COL26A1: variants seen among roughly 807,000 people sequenced by gnomAD.
COL26A1 encodes collagen type XXVI alpha 1 chain, also known as collagen alpha-1(XXVI) chain.
COL26A1 carries 41 observed loss-of-function variants against 59.3 expected under a neutral mutation model. That is an observed-to-expected ratio of 0.69 (90% CI 0.54 to 0.90). COL26A1 has a LOEUF of 0.90. COL26A1 is among the 40% of genes least tolerant of loss of function. The pLI, the probability that COL26A1 is intolerant of heterozygous loss-of-function variation, is 0.00. For missense variants in COL26A1, 612 were observed against 602.3 expected, an observed-to-expected ratio of 1.02 and a Z score of -0.17; for synonymous variants, 266 against 256.0, an observed-to-expected ratio of 1.04 and a Z score of -0.37.
intron 3 of COL26A1, among the ~76,000 whole-genome samples, chr7:101,488,473 TC>T (rs1444030457): frequency 4.7e-5 from 7 of 148,226 alleles, no homozygotes; most frequent in African/African-American, 1.7e-4. Flanking sequence ...CTTCCTGGGT[TC>T]AAGTGATTCT....
intron 10 of COL26A1, among the ~76,000 whole-genome samples, chr7:101,551,950 C>G: frequency 6.6e-6 from 1 of 152,180 alleles, no homozygotes. Flanking sequence ...CCCAAGAGAC[C>G]ATGCTTTATT....
At chr7:101,399,236 G>A (rs753489271) in intron 1 of COL26A1, among the ~76,000 whole-genome samples, 11 of 152,058 alleles carry the variant, frequency 7.2e-5, no homozygotes, top group Admixed American at 3.9e-4. Flanking sequence ...AGCCCAGGAG[G>A]TCAAGGCAAC....
At chr7:101,517,094 C>T (rs959821493) in intron 3 of COL26A1, among the ~76,000 whole-genome samples, 4 of 152,134 alleles carry the variant, frequency 2.6e-5, no homozygotes, top group African/African-American at 9.7e-5. Context: ...CCTTCACTTG[C>T]CCCGTGATTC....
chr7:101,490,316 A>T (rs1413603070), intron 3 of COL26A1, among the ~76,000 whole-genome samples: 1 of 152,026 alleles, frequency 6.6e-6, no homozygotes, highest in Non-Finnish European at 1.5e-5. Context: ...AGCTCAAGCG[A>T]TCCTACCACC....
At chr7:101,521,542 G>A (rs1342946154) in intron 3 of COL26A1, among the ~76,000 whole-genome samples, 1 of 152,084 alleles carries the variant, frequency 6.6e-6, no homozygotes, top group African/African-American at 2.4e-5. Flanking sequence ...AGGGTTGGGA[G>A]CCATTTCTAG....
chr7:101,464,506 G>C (rs911918620), intron 3 of COL26A1, among the ~76,000 whole-genome samples: 3 of 151,638 alleles, frequency 2.0e-5, no homozygotes, highest in Non-Finnish European at 2.9e-5. Context: ...CTGCCTCCCG[G>C]GTTCAAACGA....
chr7:101,407,342 C>T (rs1347003654), intron 1 of COL26A1, among the ~76,000 whole-genome samples: 1 of 152,176 alleles, frequency 6.6e-6, no homozygotes, highest in Non-Finnish European at 1.5e-5. Context: ...TCCTGAGGAA[C>T]CTGTCCTCAA....
At chr7:101,547,498 A>G (rs1184427402) in intron 8 of COL26A1, among the ~76,000 whole-genome samples, 1 of 152,218 alleles carries the variant, frequency 6.6e-6, no homozygotes, top group Admixed American at 6.5e-5. Context: ...CTGCCCTTGC[A>G]TGGGCCAGAG....
intron 3 of COL26A1, among the ~76,000 whole-genome samples, chr7:101,498,866 C>G (rs538020607): frequency 6.6e-6 from 1 of 152,218 alleles, no homozygotes; most frequent in South Asian, 2.1e-4. Flanking sequence ...GGTGCTGGCT[C>G]CCCACCGCGC....
intron 2 of COL26A1, among the ~76,000 whole-genome samples, chr7:101,423,336 G>A (rs1033580264): frequency 6.6e-6 from 1 of 152,126 alleles, no homozygotes; most frequent in Non-Finnish European, 1.5e-5. Context: ...ACAAGCTAGC[G>A]CCTGAATCAC....
chr7:101,528,606 G>A (rs1186083512), intron 3 of COL26A1, among the ~76,000 whole-genome samples: 6 of 151,794 alleles, frequency 4.0e-5, no homozygotes, highest in East Asian at 2.0e-4. Flanking sequence ...GTAGTGCAGT[G>A]GCGCCAACAT....
intron 3 of COL26A1, among the ~76,000 whole-genome samples, chr7:101,530,803 C>A (rs921646617): frequency 6.6e-5 from 10 of 152,088 alleles, no homozygotes; most frequent in African/African-American, 2.4e-4. Context: ...CAGTGGCTCC[C>A]AGTCTCCATC....
intron 1 of COL26A1, among the ~76,000 whole-genome samples, chr7:101,377,198 G>A (rs1480744556): frequency 6.6e-6 from 1 of 151,952 alleles, no homozygotes; most frequent in Non-Finnish European, 1.5e-5. Flanking sequence ...ATAGAGATGG[G>A]GGTGTCACTA....
At chr7:101,486,347 G>T (rs1405496294) in intron 3 of COL26A1, among the ~76,000 whole-genome samples, 4 of 152,196 alleles carry the variant, frequency 2.6e-5, no homozygotes, top group Non-Finnish European at 4.4e-5. Flanking sequence ...ACAGCCTGAG[G>T]CTGTCCGTGT....
chr7:101,422,667 G>C (rs917447567), intron 2 of COL26A1, among the ~76,000 whole-genome samples: 1 of 152,052 alleles, frequency 6.6e-6, no homozygotes, highest in African/African-American at 2.4e-5. Flanking sequence ...TTTGGAGACA[G>C]GATCTTGCTC....
intron 1 of COL26A1, among the ~76,000 whole-genome samples, chr7:101,364,556 C>T (rs556434036): frequency 7.9e-6 from 1 of 125,936 alleles, no homozygotes. Flanking sequence ...CAGGACTGAC[C>T]TCTTGTGCTT....
At chr7:101,503,101 T>A (rs1794738587) in intron 3 of COL26A1, among the ~76,000 whole-genome samples, 1 of 152,160 alleles carries the variant, frequency 6.6e-6, no homozygotes, top group Admixed American at 6.5e-5. Flanking sequence ...TTACTCCTGT[T>A]ACATGCCTTT....
At chr7:101,439,380 C>T (rs1792992908) in intron 2 of COL26A1, among the ~76,000 whole-genome samples, 1 of 151,626 alleles carries the variant, frequency 6.6e-6, no homozygotes, top group African/African-American at 2.4e-5. Flanking sequence ...AGGGTGAAAC[C>T]CCGTCTCTAC....
chr7:101,506,937 T>C (rs1472232907), intron 3 of COL26A1, among the ~76,000 whole-genome samples: 1 of 151,808 alleles, frequency 6.6e-6, no homozygotes, highest in Non-Finnish European at 1.5e-5. Context: ...CCTTTTTTTT[T>C]TCCCCCTCAC....
Sources: gnomAD v4.1 joint callset for allele counts (sites outside exome capture counted in the v4.1 genomes callset) on GRCh38, gnomAD v4.1.1 for gene constraint, MANE v1.5 for transcripts, NCBI Gene and HGNC (gene_info 2026-07-23, HGNC 2026-07-21) for gene names.